PLAT: variants seen among roughly 807,000 people sequenced by gnomAD.
PLAT encodes tissue-type plasminogen activator.
In PLAT, 48 loss-of-function variants were observed where a neutral mutation model predicts 74.9. That is an observed-to-expected ratio of 0.64 (90% CI 0.51 to 0.82). The LOEUF (loss-of-function observed/expected upper bound fraction) is 0.82, where lower values mean the gene tolerates loss of function less well. Among genes scored for constraint, PLAT ranks in the 40% least tolerant of loss-of-function variants. The probability of loss-of-function intolerance (pLI) is 0.00; values close to 1 mark genes in which losing one functional copy is unlikely to be tolerated. For synonymous variants in PLAT, 307 were observed against 294.4 expected, an observed-to-expected ratio of 1.04 and a Z score of -0.44; for missense variants, 673 against 736.2, an observed-to-expected ratio of 0.91 and a Z score of 0.99.
intron 13 of PLAT, among the ~76,000 whole-genome samples, chr8:42,177,034 C>T (rs936647748): frequency 6.6e-6 from 1 of 152,066 alleles, no homozygotes; most frequent in Non-Finnish European, 1.5e-5. Context: ...GGCTGGAGTG[C>T]AGTGGCGCAA....
intron 12 of PLAT, 62 bp downstream of exon 12, chr8:42,179,864 T>C (rs1805144121): frequency 6.8e-7 from 1 of 1,460,356 alleles, no homozygotes; most frequent in Non-Finnish European, 9.1e-7. Context: ...TTTCCTCTGG[T>C]GGACCGCAGC....
intron 1 of PLAT, among the ~76,000 whole-genome samples, chr8:42,197,105 C>A (rs1484742784): frequency 6.6e-6 from 1 of 152,174 alleles, no homozygotes; most frequent in Non-Finnish European, 1.5e-5. Context: ...GGATGAAGTT[C>A]AGCAGTCTCA....
intron 1 of PLAT, among the ~76,000 whole-genome samples, chr8:42,197,943 G>A (rs1361710044): frequency 1.3e-5 from 2 of 152,204 alleles, no homozygotes; most frequent in African/African-American, 4.8e-5. Flanking sequence ...TGCGGTTTCT[G>A]TTCTGTTGTG....
intron 3 of PLAT, among the ~76,000 whole-genome samples, chr8:42,191,071 A>G (rs1805663275): frequency 6.6e-6 from 1 of 152,044 alleles, no homozygotes; most frequent in South Asian, 2.1e-4. Flanking sequence ...CTGTATAACC[A>G]GGACCTTGGG....
chr8:42,206,933 T>G (rs1235680208), intron 1 of PLAT, among the ~76,000 whole-genome samples: 1 of 152,198 alleles, frequency 6.6e-6, no homozygotes, highest in African/African-American at 2.4e-5. Context: ...GAGGCATTTC[T>G]CTATCCCACG....
At chr8:42,199,886 C>T (rs1806061446) in intron 1 of PLAT, among the ~76,000 whole-genome samples, 1 of 152,216 alleles carries the variant, frequency 6.6e-6, no homozygotes, top group Non-Finnish European at 1.5e-5. Flanking sequence ...GAAGGTCGTT[C>T]GTTCCTCATG....
chr8:42,177,498 A>C (rs1378743859), intron 13 of PLAT, among the ~76,000 whole-genome samples: 1 of 152,186 alleles, frequency 6.6e-6, no homozygotes, highest in African/African-American at 2.4e-5. Context: ...GCTTGGCTCC[A>C]TCACTTACTA....
intron 1 of PLAT, among the ~76,000 whole-genome samples, chr8:42,199,118 C>T (rs1008544932): frequency 6.6e-6 from 1 of 152,184 alleles, no homozygotes; most frequent in African/African-American, 2.4e-5. Context: ...AGTACAGAGG[C>T]CATGATCTCA....
chr8:42,204,871 A>G (rs930132015), intron 1 of PLAT, among the ~76,000 whole-genome samples: 2 of 152,002 alleles, frequency 1.3e-5, no homozygotes, highest in Admixed American at 6.6e-5. Flanking sequence ...TATAAAAATT[A>G]GCCGGGCGTG....
At chr8:42,201,705 C>A (rs1330146282) in intron 1 of PLAT, among the ~76,000 whole-genome samples, 1 of 152,148 alleles carries the variant, frequency 6.6e-6, no homozygotes, top group African/African-American at 2.4e-5. Flanking sequence ...TTTCCCACAC[C>A]ATGCATGCAG....
intron 12 of PLAT, 141 bp from the exon 13 acceptor site, chr8:42,179,204 A>G (rs762064626): frequency 1.4e-4 from 85 of 628,092 alleles, no homozygotes; most frequent in Admixed American, 3.5e-4. Flanking sequence ...CACTGCTGGT[A>G]TTTTATCGTT....
intron 1 of PLAT, chr8:42,193,636 G>T (rs4736829): frequency 6.3e-6 from 1 of 157,604 alleles, no homozygotes; most frequent in African/African-American, 2.4e-5. Context: ...GAAGTGGAAT[G>T]AGACAGTGTT....
At position 42,176,126 on chromosome 8, in the gene PLAT, C is replaced by G; in HGVS notation, c.1556G>C (p.Cys519Ser). ...CAAAGTCATGCGGCCATCGTTCAGACACACCAGGGGGCCTCCCGAATCGCC... is the reference window on the plus strand; with the variant it reads ...CAAAGTCATGCGGCCATCGTTCAGAGACACCAGGGGGCCTCCCGAATCGCC... ...CQGDSGGPLV[C>S]LNDGRMTLVG... The change falls in exon 14 of 14, where the codon TGT becomes TCT. Residue 519 changes from cysteine to serine, a missense_variant. Coordinates refer to ENST00000220809, the MANE Select transcript of PLAT (RefSeq NM_000930.5). 1 of 1,613,938 alleles carries G rather than the reference C, an allele frequency of 6.2e-7. No individual in the cohort carries two copies. Among genetic ancestry groups the G allele is most frequent in the African/African-American group, 1.3e-5 (1 of 75,056 alleles).
chr8:42,189,580 TTTATTTATTTA>T (rs1805609545), intron 3 of PLAT, among the ~76,000 whole-genome samples: 2 of 151,474 alleles, frequency 1.3e-5, no homozygotes, highest in South Asian at 4.2e-4. Flanking sequence ...TCTCATATGA[TTTATTTATTTA>T]TTATTTATTT....
chr8:42,176,230 T>C (rs1409031048), intron 13 of PLAT, 79 bp from the exon 14 acceptor site: 1 of 1,014,192 alleles, frequency 9.9e-7, no homozygotes, highest in Non-Finnish European at 1.5e-6. Flanking sequence ...AGCATGAACA[T>C]CGTAATCTTC....
intron 1 of PLAT, among the ~76,000 whole-genome samples, chr8:42,201,499 A>G (rs1047682340): frequency 2.6e-5 from 4 of 152,142 alleles, no homozygotes; most frequent in Non-Finnish European, 5.9e-5. Context: ...TGGGGTCCTC[A>G]TGGATCCCCG....
intron 12 of PLAT, 24 bp downstream of exon 12, chr8:42,179,902 G>C (rs964996397): frequency 3.7e-5 from 57 of 1,554,790 alleles, no homozygotes; most frequent in Non-Finnish European, 5.0e-5. Flanking sequence ...AGACAGGATG[G>C]GGCCGAGACT....
In PLAT at chr8:42,187,903, C is replaced by T; in HGVS notation, c.364+3G>A. On this transcript the variant is annotated splice_donor_region_variant and intron_variant, in intron 5 of 13. Coordinates refer to ENST00000220809, the MANE Select transcript of PLAT (RefSeq NM_000930.5). ...CTCGTTTCACGTGCTCTCACCTACT[C>T]ACCTATTTCACAGCACTTCCCAGCA... 2 of 1,564,892 alleles carry T rather than the reference C, an allele frequency of 1.3e-6. No homozygotes were observed. The highest frequency in any genetic ancestry group is 1.8e-6 in the Non-Finnish European group (2 of 1,135,200).
chr8:42,187,691 C>G, intron 5 of PLAT, 119 bp from the exon 6 acceptor site: 2 of 1,029,554 alleles, frequency 1.9e-6, no homozygotes, highest in Non-Finnish European at 2.8e-6. Context: ...TCGGAAGCCA[C>G]AGGCTGGGTG....
Sources: allele counts gnomAD v4.1 joint callset (sites outside exome capture counted in the v4.1 genomes callset), GRCh38; gene constraint gnomAD v4.1.1; transcripts MANE v1.5; gene names NCBI Gene and HGNC (gene_info 2026-07-23, HGNC 2026-07-21).